DAB1: variants seen among roughly 807,000 people sequenced by gnomAD.
DAB1 encodes the protein DAB adaptor protein 1.
DAB1 carries 15 observed loss-of-function variants against 64.6 expected under a neutral mutation model. That is an observed-to-expected ratio of 0.23 (90% CI 0.16 to 0.36). DAB1 has a LOEUF of 0.36. Ranked by LOEUF, DAB1 falls within the 10% of genes least tolerant of loss-of-function variation. The pLI is 1.00. For synonymous variants in DAB1, 235 were observed against 251.9 expected, an observed-to-expected ratio of 0.93 and a Z score of 0.64; for missense variants, 596 against 706.7, an observed-to-expected ratio of 0.84 and a Z score of 1.78.
chr1:57,905,892 C>T (rs1370900521), intron 5 of DAB1, among the ~76,000 whole-genome samples: 1 of 152,174 alleles, frequency 6.6e-6, no homozygotes, highest in Non-Finnish European at 1.5e-5. Flanking sequence ...CCCCTGTTCA[C>T]TTTGGTGACA....
intron 2 of DAB1, among the ~76,000 whole-genome samples, chr1:57,226,670 A>AG (rs1553158272): frequency 1.3e-4 from 16 of 119,502 alleles, no homozygotes; most frequent in African/African-American, 6.4e-4. Context: ...GGTTAAAAAA[A>AG]AAATATATAT....
intron 2 of DAB1, among the ~76,000 whole-genome samples, chr1:57,286,682 C>T (rs1056521220): frequency 6.6e-6 from 1 of 152,130 alleles, no homozygotes; most frequent in Non-Finnish European, 1.5e-5. Flanking sequence ...TACCAAAAAT[C>T]ATTATATGAG....
intron 5 of DAB1, among the ~76,000 whole-genome samples, chr1:57,992,607 C>A (rs567929884): frequency 6.6e-6 from 1 of 152,114 alleles, no homozygotes; most frequent in Non-Finnish European, 1.5e-5. Context: ...GGACACTCAG[C>A]GTTTTCAGAG....
At chr1:57,328,369 A>G (rs552289568) in intron 1 of DAB1, among the ~76,000 whole-genome samples, 1 of 152,086 alleles carries the variant, frequency 6.6e-6, no homozygotes, top group Admixed American at 6.5e-5. Context: ...TACTCAAAGA[A>G]CCCTGAGACC....
chr1:58,118,913 C>T (rs938430754), intron 5 of DAB1, among the ~76,000 whole-genome samples: 2 of 152,020 alleles, frequency 1.3e-5, no homozygotes, highest in African/African-American at 4.8e-5. Flanking sequence ...ACTTTCTGCT[C>T]TGATGGAAAT....
At chr1:58,396,093 G>A (rs1310674756) in intron 3 of DAB1, among the ~76,000 whole-genome samples, 1 of 148,630 alleles carries the variant, frequency 6.7e-6, no homozygotes, top group Admixed American at 6.7e-5. Flanking sequence ...CATGATATTT[G>A]TGAAGTATTA....
chr1:57,050,529 C>T (rs2100524276), intron 9 of DAB1, among the ~76,000 whole-genome samples: 1 of 152,330 alleles, frequency 6.6e-6, no homozygotes, highest in Non-Finnish European at 1.5e-5. Context: ...CATTGCCATG[C>T]TTTTAAACAT....
chr1:58,544,629 T>C (rs920908600), intron 1 of DAB1, among the ~76,000 whole-genome samples: 1 of 152,224 alleles, frequency 6.6e-6, no homozygotes, highest in East Asian at 1.9e-4. Flanking sequence ...TCTCACTTTG[T>C]CGTTGTCCAG....
At chr1:58,543,663 G>T (rs11207250) in intron 1 of DAB1, among the ~76,000 whole-genome samples, 98,819 of 151,992 alleles carry the variant, frequency 0.65, 34,206 homozygotes, top group East Asian at 0.94. Flanking sequence ...GTAAATACCA[G>T]GTAATCATTT....
At chr1:57,147,924 A>G (rs1659302040) in intron 2 of DAB1, among the ~76,000 whole-genome samples, 1 of 152,130 alleles carries the variant, frequency 6.6e-6, no homozygotes, top group African/African-American at 2.4e-5. Flanking sequence ...TCATGTCAAA[A>G]CCCACGTTTG....
chr1:58,385,329 T>A (rs1370738772), intron 3 of DAB1, among the ~76,000 whole-genome samples: 1 of 152,232 alleles, frequency 6.6e-6, no homozygotes, highest in Non-Finnish European at 1.5e-5. Context: ...TTCATAGTAT[T>A]TGCTTAATGT....
chr1:57,497,355 A>G (rs1348173687), intron 7 of DAB1, among the ~76,000 whole-genome samples: 3 of 152,230 alleles, frequency 2.0e-5, no homozygotes, highest in African/African-American at 7.2e-5. Context: ...TATTACCACT[A>G]GAATAATGTC....
At chr1:57,011,359 T>A in intron 12 of DAB1, 87 bp from the exon 13 acceptor site, 1 of 1,490,372 alleles carries the variant, frequency 6.7e-7, no homozygotes, top group Non-Finnish European at 9.1e-7. Flanking sequence ...TCTGCTTATA[T>A]TGAAGTCAAA....
At position 57,000,112 on chromosome 1, in the gene DAB1, C is replaced by T. The variant is rs181511773; in HGVS notation, c.*16-1984G>A. Among the ~76,000 whole-genome samples, 61 of 142,546 alleles carry T rather than the reference C, an allele frequency of 4.3e-4. 1 individual carries two copies. Among genetic ancestry groups the T allele is most frequent in the Admixed American group, 4.0e-3 (54 of 13,440 alleles). 93.5% of individuals were successfully genotyped at this position (142,546 alleles called of 152,430 possible). ...AGGCTAGAGTGCAGTGGCGCGATGT[C>T]GGCTCACTGCAAGCTTGGCCTCCCA... On this transcript the variant is annotated intron_variant, in intron 14 of 14. Transcript: ENST00000371236.
intron 4 of DAB1, among the ~76,000 whole-genome samples, chr1:57,079,686 C>G (rs773665391): frequency 6.6e-6 from 1 of 152,222 alleles, no homozygotes; most frequent in African/African-American, 2.4e-5. Flanking sequence ...TGTTCCCCAC[C>G]ACCTTGGTGT....
intron 2 of DAB1, among the ~76,000 whole-genome samples, chr1:58,519,618 T>C (rs1646229061): frequency 6.6e-6 from 1 of 152,160 alleles, no homozygotes; most frequent in South Asian, 2.1e-4. Flanking sequence ...GAACTGTTTA[T>C]ATGAAACATC....
intron 7 of DAB1, chr1:57,606,051 T>C: frequency 1.8e-6 from 1 of 569,454 alleles, no homozygotes; most frequent in South Asian, 1.7e-5. Flanking sequence ...TTCAAACTGG[T>C]CCTTTCCCTT....
chr1:58,291,848 T>TTAATTGTATGTA (rs1217091980), intron 4 of DAB1, among the ~76,000 whole-genome samples: 2 of 152,184 alleles, frequency 1.3e-5, no homozygotes, highest in East Asian at 1.9e-4. Context: ...ACTGTGATGG[T>TTAATTGTATGTA]TAATTGTATG....
At position 57,556,578 on chromosome 1, in the gene DAB1, C is replaced by T. The variant is rs148367101; in HGVS notation, n.625+93014G>A. Among the ~76,000 whole-genome samples, 997 of 152,118 alleles carry T rather than the reference C, an allele frequency of 6.6e-3. 14 individuals are homozygous for T. Among genetic ancestry groups the T allele is most frequent in the African/African-American group, 0.023 (956 of 41,498 alleles). ...TGTTTGTTGGCCATTTGTATATCTT[C>T]TTTTGAGAATTGTCTATTCACATCC... is the stretch of plus-strand genomic sequence containing the variant. On this transcript the variant is annotated intron_variant and non_coding_transcript_variant, in intron 7 of 20. Transcript: ENST00000485760.
Sources: allele counts gnomAD v4.1 joint callset (sites outside exome capture counted in the v4.1 genomes callset), GRCh38; gene constraint gnomAD v4.1.1; transcripts MANE v1.5; gene names NCBI Gene and HGNC (gene_info 2026-07-23, HGNC 2026-07-21).